HERC2: variants seen among roughly 807,000 people sequenced by gnomAD.
The protein encoded by HERC2 is E3 ubiquitin-protein ligase HERC2.
HERC2 carries 102 observed loss-of-function variants against 537.7 expected under a neutral mutation model. The observed-to-expected ratio is 0.19, with a 90% CI of 0.16 to 0.22. The LOEUF (loss-of-function observed/expected upper bound fraction) is 0.22. Among genes scored for constraint, HERC2 ranks in the 10% least tolerant of loss-of-function variants. The pLI, the probability that HERC2 is intolerant of heterozygous loss-of-function variation, is 1.00. For synonymous variants in HERC2, 2,224 were observed against 2,466.2 expected (o/e 0.90, Z 2.91); for missense variants, 4,236 against 6,198.2 (o/e 0.68, Z 10.63).
chr15:28,124,586 G>A lies in HERC2; in HGVS notation c.12991-352C>T, dbSNP rs1889273909. Among the ~76,000 whole-genome samples, 3 of 152,142 alleles carry A rather than the reference G, an allele frequency of 2.0e-5. No homozygotes were observed. The South Asian group carries it at 6.2e-4, about 32-fold the overall frequency. ...ACATTCAAGGTTCTTTTGAGACAGG[G>A]TCTCACTCTGTCACCCAAGTAAGAG... On this transcript the variant is annotated intron_variant, in intron 84 of 92. Coordinates refer to ENST00000261609, the MANE Select transcript of HERC2 (RefSeq NM_004667.6).
At chr15:28,303,188 G>A (rs1451137167) in intron 2 of HERC2, among the ~76,000 whole-genome samples, 2 of 152,204 alleles carry the variant, frequency 1.3e-5, no homozygotes, top group African/African-American at 4.8e-5. Context: ...CGTATATGGT[G>A]AGAGATAGCG....
rs139078765 is a variant in HERC2, at chr15:28,268,596, G to A, written c.1467C>T (p.Gly489=). The A allele has an allele frequency of 6.2e-7, 1 of 1,614,142 alleles. No homozygotes were observed. The highest frequency in any genetic ancestry group is 1.7e-5 in the Admixed American group (1 of 60,018). The change falls in exon 12 of 93, where the codon GGC becomes GGT. Residue 489 remains glycine, a synonymous_variant. Coordinates refer to ENST00000261609, the MANE Select transcript of HERC2 (RefSeq NM_004667.6). The surrounding 1 kb of genome is among the most constrained non-coding windows in gnomAD (Gnocchi z 4.7). ...SDTLAPQLVQ[G]LASRNIVKIA... ...TTTTTACAATGTTTCTGGAGGCAAG[G>A]CCTTGGACCAGCTGTGGGGCCTAAA... is the stretch of plus-strand genomic sequence containing the variant.
intron 70 of HERC2, among the ~76,000 whole-genome samples, chr15:28,152,329 G>A (rs1892546289): frequency 6.6e-6 from 1 of 152,204 alleles, no homozygotes; most frequent in East Asian, 1.9e-4. Flanking sequence ...GTCCAGAAAT[G>A]CAAGTCAGTG....
chr15:28,194,068 CTTTT>C (rs773769951), intron 52 of HERC2, among the ~76,000 whole-genome samples: 1 of 138,500 alleles, frequency 7.2e-6, no homozygotes, highest in Non-Finnish European at 1.6e-5. Flanking sequence ...ATCCTTTGAC[CTTTT>C]TTTTTTTTTT....
At chr15:28,199,967 T>A (rs1321977725) in intron 48 of HERC2, among the ~76,000 whole-genome samples, 1 of 151,418 alleles carries the variant, frequency 6.6e-6, no homozygotes, top group Non-Finnish European at 1.5e-5. Flanking sequence ...AATGTTTGTG[T>A]CCCCCCCACC....
At chr15:28,182,045 T>C (rs1453491840) in intron 57 of HERC2, among the ~76,000 whole-genome samples, 1 of 152,190 alleles carries the variant, frequency 6.6e-6, no homozygotes, top group South Asian at 2.1e-4. Context: ...GAGACAACAA[T>C]TTGCTCATCT....
intron 4 of HERC2, among the ~76,000 whole-genome samples, chr15:28,285,626 C>T (rs1596390823): frequency 6.6e-6 from 1 of 150,434 alleles, no homozygotes; most frequent in South Asian, 2.1e-4. Context: ...GTGCCCGCCT[C>T]GACAACCTAA....
At chr15:28,286,446 A>G (rs1033457904) in intron 4 of HERC2, among the ~76,000 whole-genome samples, 1 of 152,182 alleles carries the variant, frequency 6.6e-6, no homozygotes, top group African/African-American at 2.4e-5. Context: ...CAGGAATGTA[A>G]AGTGGGTTCA....
intron 73 of HERC2, 34 bp from the exon 74 acceptor site, chr15:28,144,025 G>C: frequency 6.2e-7 from 1 of 1,614,154 alleles, no homozygotes; most frequent in Non-Finnish European, 8.5e-7. Flanking sequence ...TCAGAAGTCT[G>C]ATGGTTTCTT....
rs527412710 is a variant in HERC2 at position 28,241,563 on chromosome 15, C to A, written c.3578-2791G>T. The stretch of plus-strand genomic sequence containing the variant: ...CAGGCCGGGCGCAGTGGCTCCCTCC[C>A]GTAATCCCATCACTTTGGGAGGCCG... On this transcript the variant is annotated intron_variant, in intron 23 of 92. Coordinates refer to ENST00000261609, the MANE Select transcript of HERC2 (RefSeq NM_004667.6). Among the ~76,000 whole-genome samples, 4 of 152,252 alleles carry A rather than the reference C, an allele frequency of 2.6e-5. No individual in the cohort carries two copies. In the East Asian group the frequency reaches 7.7e-4, roughly 29 times the overall value.
chr15:28,185,364 T>C (rs1286775437), intron 56 of HERC2, among the ~76,000 whole-genome samples: 3 of 152,172 alleles, frequency 2.0e-5, no homozygotes, highest in Non-Finnish European at 4.4e-5. Flanking sequence ...CTCCTGTGCC[T>C]GTCTGGAGGG....
rs1171074842 is a variant in HERC2 at position 28,198,467 on chromosome 15, A to G, written c.7922T>C (p.Ile2641Thr). The G allele has an allele frequency of 2.5e-6, 4 of 1,614,046 alleles. No individual in the cohort carries two copies. The Admixed American group carries it at 5.0e-5, about 20-fold the overall frequency. The change falls in exon 50 of 93, where the codon ATT (isoleucine) becomes ACT (threonine). Residue 2641 changes from isoleucine to threonine, a missense_variant. Coordinates refer to ENST00000261609, the MANE Select transcript of HERC2 (RefSeq NM_004667.6). ...GGCTTTGACCCGCACTTTATCACCAATCTTGATGTGAGAAGAAGAACTTGG... is the reference window on the plus strand; with the variant it reads ...GGCTTTGACCCGCACTTTATCACCAGTCTTGATGTGAGAAGAAGAACTTGG... Reference protein sequence around the residue: ...PPPSSSSHIKIGDKVRVKASV... With the variant: ...PPPSSSSHIKTGDKVRVKASV...
intron 20 of HERC2, among the ~76,000 whole-genome samples, chr15:28,253,149 G>A (rs56240434): frequency 0.081 from 12,214 of 151,684 alleles, 1,671 homozygotes; most frequent in African/African-American, 0.28. Context: ...TTGCTTTTTC[G>A]CTCTTCTTGG....
intron 55 of HERC2, among the ~76,000 whole-genome samples, chr15:28,187,634 G>T (rs1323922393): frequency 2.0e-5 from 3 of 152,118 alleles, no homozygotes; most frequent in Non-Finnish European, 2.9e-5. Context: ...CGCCTGGCCA[G>T]AATTATGGAG....
intron 2 of HERC2, among the ~76,000 whole-genome samples, chr15:28,310,120 C>T (rs990146036): frequency 2.0e-5 from 3 of 152,166 alleles, no homozygotes; most frequent in Admixed American, 6.6e-5. Flanking sequence ...ATCTAGGCAA[C>T]ATAGCAAGAC....
intron 55 of HERC2, among the ~76,000 whole-genome samples, chr15:28,188,280 C>T (rs1464095240): frequency 2.6e-5 from 4 of 152,160 alleles, no homozygotes; most frequent in Admixed American, 1.3e-4. Flanking sequence ...CGGTGGCTCA[C>T]GCCTGTAATC....
rs1342937316 is a variant in HERC2 at position 28,122,107 on chromosome 15, C to A, written c.13189-678G>T. Among the ~76,000 whole-genome samples the A allele has an allele frequency of 8.0e-4, 1 of 1,244 alleles. No individual in the cohort carries two copies. Among genetic ancestry groups the A allele is most frequent in the African/African-American group, 3.2e-3 (1 of 312 alleles). 0.8% of individuals were successfully genotyped at this position (1,244 alleles called of 152,430 possible). The stretch of plus-strand genomic sequence containing the variant: ...CTTGGATCGGGACAGAAAAGACAGA[C>A]CGGGGAGGGGAAACAAGGTCCTGGC... On this transcript the variant is annotated intron_variant, in intron 85 of 92. Transcript: ENST00000261609. This position sits in a 1 kb window ranked among gnomAD's most constrained non-coding sequence, Gnocchi z 4.1.
At chr15:28,224,751 A>G (rs1400952079) in intron 35 of HERC2, among the ~76,000 whole-genome samples, 1 of 152,220 alleles carries the variant, frequency 6.6e-6, no homozygotes, top group East Asian at 1.9e-4. Context: ...TGACCAGACC[A>G]TATGTTAGGC....
At chr15:28,322,006 T>TCGGCCGCCCGC (rs2077243780) in intron 1 of HERC2, 69 bp downstream of exon 1, 1 of 91,686 alleles carries the variant, frequency 1.1e-5, no homozygotes, top group Admixed American at 1.1e-4. Context: ...CCTCCCGGGC[T>TCGGCCGCCCGC]CGGCCGCCCG....
Sources: allele counts gnomAD v4.1 joint callset (sites outside exome capture counted in the v4.1 genomes callset), GRCh38; gene constraint gnomAD v4.1.1; non-coding constraint Gnocchi (gnomAD v3.1); transcripts MANE v1.5; gene names NCBI Gene and HGNC (gene_info 2026-07-23, HGNC 2026-07-21).